Variants in MAPK14 observed in about 807,000 individuals in gnomAD.
The protein encoded by MAPK14 is mitogen-activated protein kinase 14.
Under a neutral mutation model 49.6 loss-of-function variants are expected in MAPK14, and 16 were observed. The ratio of observed to expected loss-of-function variants is 0.32; its 90% CI spans 0.22 to 0.49. The LOEUF (loss-of-function observed/expected upper bound fraction) is 0.49, where lower values mean the gene tolerates loss of function less well. Ranked by LOEUF, MAPK14 falls within the 20% of genes least tolerant of loss-of-function variation. MAPK14 has a pLI of 0.99. For missense variants in MAPK14, 200 were observed against 441.2 expected (o/e 0.45, Z 4.90); for synonymous variants, 142 against 158.0 (o/e 0.90, Z 0.76).
At chr6:36,119,832 G>A in the MAPK14 span, among the ~76,000 whole-genome samples, 2,232 of 152,252 alleles carry the variant, frequency 0.015, 44 homozygotes, top group African/African-American at 0.044. Flanking sequence ...AAACAGAGAC[G>A]ACTCAACATC....
chr6:36,030,372 A>G (rs545471676), intron 1 of MAPK14, among the ~76,000 whole-genome samples: 3 of 152,236 alleles, frequency 2.0e-5, no homozygotes, highest in Non-Finnish European at 2.9e-5. Context: ...TTGACATTGT[A>G]TAAAATTTGA....
Position 36,108,950 on chromosome 6 carries a change from A to G in MAPK14, c.*503A>G, listed in dbSNP as rs201335873. On this transcript the variant is annotated 3_prime_UTR_variant, in exon 12 of 12. Transcript: ENST00000229794. ...GACACCGTCCCTCAGTGATACGTAC[A>G]GCCAAAAAGGACCAACTGGCTTCTG... 33 of 160,548 alleles carry G rather than the reference A, an allele frequency of 2.1e-4. No individual in the cohort carries two copies. Among genetic ancestry groups the G allele is most frequent in the Non-Finnish European group, 3.8e-4 (28 of 72,732 alleles). 9.9% of individuals were successfully genotyped at this position (160,548 alleles called of 1,614,324 possible). A position where few individuals can be genotyped will look rare whatever the true frequency, so the allele number is the denominator to read the frequency against.
intron 8 of MAPK14, among the ~76,000 whole-genome samples, chr6:36,087,688 A>G (rs746286253): frequency 3.3e-5 from 5 of 152,356 alleles, no homozygotes; most frequent in South Asian, 2.1e-4. Flanking sequence ...GGAAGAATCA[A>G]TATCATGAAA....
chr6:36,076,678 T>C, intron 8 of MAPK14, 70 bp downstream of exon 8: 3 of 1,171,218 alleles, frequency 2.6e-6, no homozygotes, highest in South Asian at 2.6e-5. Flanking sequence ...TATACTCCTT[T>C]TACTTATCTC....
chr6:36,067,154 T>C (rs1581779698), intron 3 of MAPK14, among the ~76,000 whole-genome samples: 1 of 152,240 alleles, frequency 6.6e-6, no homozygotes, highest in East Asian at 1.9e-4. Context: ...CTTAAGAAAA[T>C]ATCATTCAGT....
chr6:36,036,129 G>C (rs1347176517), intron 1 of MAPK14, among the ~76,000 whole-genome samples: 2 of 152,008 alleles, frequency 1.3e-5, no homozygotes, highest in Admixed American at 6.6e-5. Context: ...CCAGCTGCTT[G>C]GGAGGCTGAG....
chr6:36,066,645 A>G (rs915015153), intron 3 of MAPK14, among the ~76,000 whole-genome samples: 8 of 152,212 alleles, frequency 5.3e-5, no homozygotes, highest in Non-Finnish European at 8.8e-5. Flanking sequence ...TAAAGTGTAC[A>G]GAAAAGAGAT....
At chr6:36,082,851 A>G (rs765537769) in intron 8 of MAPK14, among the ~76,000 whole-genome samples, 1 of 152,158 alleles carries the variant, frequency 6.6e-6, no homozygotes, top group Non-Finnish European at 1.5e-5. Context: ...ATGCCATTAA[A>G]ATTTTATTTA....
At chr6:36,061,492 A>C (rs948660479) in intron 3 of MAPK14, among the ~76,000 whole-genome samples, 1 of 152,234 alleles carries the variant, frequency 6.6e-6, no homozygotes, top group Admixed American at 6.5e-5. Context: ...TCATTTATTC[A>C]ATAAATACTA....
intron 1 of MAPK14, among the ~76,000 whole-genome samples, chr6:36,052,392 C>T (rs1260889076): frequency 1.3e-5 from 2 of 152,196 alleles, no homozygotes; most frequent in South Asian, 4.1e-4. Flanking sequence ...CATACAACCA[C>T]AGAGTTGAGT....
chr6:36,072,741 G>T, intron 3 of MAPK14, 132 bp from the exon 4 acceptor site: 1 of 534,510 alleles, frequency 1.9e-6, no homozygotes, highest in Non-Finnish European at 3.3e-6. Flanking sequence ...CTCCAGCCTG[G>T]CAGTAGAGCG....
intron 1 of MAPK14, among the ~76,000 whole-genome samples, chr6:36,036,599 TATCACCCTGAGTAGTCAGCAGCC>T (rs1178760578): frequency 6.6e-6 from 1 of 152,120 alleles, no homozygotes; most frequent in Non-Finnish European, 1.5e-5. Context: ...CTTCAGCAGT[TATCACCCTGAGTAGTCAGCAGCC>T]ATCACCCTGA....
rs1255485276 is a variant in MAPK14, at chr6:36,108,639, T to C, written c.*192T>C. ...CTGTCTTTGTGGGAGGGTAAGACAA[T>C]ATGAACAAACTATGATCACAGTGAC... On this transcript the variant is annotated 3_prime_UTR_variant, in exon 12 of 12. Transcript: ENST00000229794. 3 of 598,318 alleles carry C rather than the reference T, an allele frequency of 5.0e-6. No homozygotes were observed. Among genetic ancestry groups the C allele is most frequent in the African/African-American group, 1.9e-5 (1 of 53,920 alleles). 37.1% of individuals were successfully genotyped at this position (598,318 alleles called of 1,614,324 possible).
chr6:36,088,323 C>T (rs1054749984), intron 8 of MAPK14, among the ~76,000 whole-genome samples: 6 of 152,114 alleles, frequency 3.9e-5, no homozygotes, highest in Admixed American at 6.5e-5. Context: ...GAACAGACAA[C>T]CTACAGAATG....
intron 3 of MAPK14, among the ~76,000 whole-genome samples, chr6:36,063,408 G>A (rs557678602): frequency 7.9e-5 from 12 of 152,182 alleles, no homozygotes; most frequent in Admixed American, 2.6e-4. Context: ...AGCAACATAG[G>A]GAAACCCCTT....
chr6:36,084,225 G>A (rs1376249325), intron 8 of MAPK14, among the ~76,000 whole-genome samples: 2 of 152,194 alleles, frequency 1.3e-5, no homozygotes, highest in African/African-American at 2.4e-5. Flanking sequence ...GCTAGGTAAA[G>A]TCATGAAGAT....
chr6:36,105,165 CTT>C (rs1333393159), intron 10 of MAPK14, among the ~76,000 whole-genome samples: 5 of 152,158 alleles, frequency 3.3e-5, no homozygotes, highest in Non-Finnish European at 5.9e-5. Context: ...CAGCCACTGA[CTT>C]TGTTTCACTG....
intron 1 of MAPK14, among the ~76,000 whole-genome samples, chr6:36,029,664 A>G (rs1170779332): frequency 1.3e-5 from 2 of 152,186 alleles, no homozygotes; most frequent in African/African-American, 2.4e-5. Context: ...CCTGTTTGGT[A>G]GAATCTTCTG....
At chr6:36,045,820 A>AG (rs1763157406) in intron 1 of MAPK14, among the ~76,000 whole-genome samples, 1 of 150,298 alleles carries the variant, frequency 6.7e-6, no homozygotes, top group Non-Finnish European at 1.5e-5. Context: ...AAAAAAAAAA[A>AG]AAAAAAAAAA....
Sources: allele counts gnomAD v4.1 joint callset (sites outside exome capture counted in the v4.1 genomes callset), GRCh38; gene constraint gnomAD v4.1.1; transcripts MANE v1.5; gene names NCBI Gene and HGNC (gene_info 2026-07-23, HGNC 2026-07-21).